The following ACSL6 variants were observed in gnomAD, a reference collection of about 807,000 sequenced individuals.
ACSL6 encodes long-chain-fatty-acid--CoA ligase 6.
Under a neutral mutation model 98.2 loss-of-function variants are expected in ACSL6, and 47 were observed. The ratio of observed to expected loss-of-function variants is 0.48; its 90% CI spans 0.38 to 0.61. The LOEUF (loss-of-function observed/expected upper bound fraction) is 0.61, where lower values mean the gene tolerates loss of function less well. Ranked by LOEUF, ACSL6 falls within the 20% of genes least tolerant of loss-of-function variation. The pLI, the probability that ACSL6 is intolerant of heterozygous loss-of-function variation, is 0.00. For synonymous variants in ACSL6, 362 were observed against 336.9 expected (o/e 1.07, Z -0.82); for missense variants, 761 against 913.4 (o/e 0.83, Z 2.15).
At chr5:131,955,517 C>T (rs938542043) in intron 20 of ACSL6, among the ~76,000 whole-genome samples, 2 of 152,128 alleles carry the variant, frequency 1.3e-5, no homozygotes, top group Admixed American at 1.3e-4. Context: ...ACTAGGTGAT[C>T]TGCAGAGGCC....
chr5:131,997,525 G>A (rs1479235077), intron 1 of ACSL6, among the ~76,000 whole-genome samples: 1 of 152,204 alleles, frequency 6.6e-6, no homozygotes, highest in Non-Finnish European at 1.5e-5. Context: ...GGGGCTGGGG[G>A]AAGTGCAGGG....
intron 18 of ACSL6, chr5:131,960,833 C>T (rs1752667021): frequency 2.2e-6 from 1 of 458,124 alleles, no homozygotes; most frequent in Non-Finnish European, 3.8e-6. Flanking sequence ...AAAATAAGGA[C>T]ATTAAGAATC....
chr5:131,962,768 C>A (rs1310738164), intron 17 of ACSL6, 90 bp from the exon 18 acceptor site: 2 of 1,459,548 alleles, frequency 1.4e-6, no homozygotes, highest in Admixed American at 1.8e-5. Flanking sequence ...TGCCCTACCC[C>A]ACCCTGCAGA....
intron 14 of ACSL6, 98 bp from the exon 15 acceptor site, chr5:131,970,298 G>T (rs1753235033): frequency 9.1e-7 from 1 of 1,094,376 alleles, no homozygotes. Context: ...GAGCGTGTCT[G>T]ACTGCTTCAT....
chr5:131,974,344 T>C (rs567525623), intron 11 of ACSL6, among the ~76,000 whole-genome samples: 1 of 152,362 alleles, frequency 6.6e-6, no homozygotes, highest in African/African-American at 2.4e-5. Flanking sequence ...TGAAGAGCCA[T>C]GCCAGTTTCA....
intron 2 of ACSL6, among the ~76,000 whole-genome samples, 191 bp from the exon 3 acceptor site, chr5:131,991,158 G>T (rs1329639903): frequency 3.3e-5 from 5 of 152,182 alleles, no homozygotes; most frequent in African/African-American, 9.7e-5. Context: ...CCTGCATGTA[G>T]CCACACTCCG....
At chr5:131,995,082 C>T (rs1175219816) in intron 1 of ACSL6, among the ~76,000 whole-genome samples, 1 of 152,172 alleles carries the variant, frequency 6.6e-6, no homozygotes, top group Non-Finnish European at 1.5e-5. Flanking sequence ...ACCAACATCT[C>T]CTGCCATGTC....
At chr5:131,973,471 A>G in intron 11 of ACSL6, 71 bp from the exon 12 acceptor site, 1 of 1,535,668 alleles carries the variant, frequency 6.5e-7, no homozygotes, top group Non-Finnish European at 8.8e-7. Context: ...AAAGCTGTCC[A>G]AAGTGCTGCC....
At chr5:131,966,680 C>T in intron 16 of ACSL6, 148 bp from the exon 17 acceptor site, 2 of 720,662 alleles carry the variant, frequency 2.8e-6, no homozygotes, top group South Asian at 1.6e-5. Context: ...GGACAAGGAA[C>T]AGCCAGCAGC....
chr5:131,991,819 G>GA (rs5871440), intron 2 of ACSL6, among the ~76,000 whole-genome samples: 93,173 of 151,832 alleles, frequency 0.61, 33,252 homozygotes, highest in Non-Finnish European at 0.8. Context: ...CAGGTCTAAG[G>GA]AAAAAAACAT....
chr5:132,011,431 A>T lies in ACSL6; in HGVS notation c.49+74T>A. 1 of 1,507,944 alleles carries T rather than the reference A, an allele frequency of 6.6e-7. No individual in the cohort carries two copies. 93.4% of individuals were successfully genotyped at this position (1,507,944 alleles called of 1,614,324 possible). A position where few individuals can be genotyped will look rare whatever the true frequency, so the allele number is the denominator to read the frequency against. ...GGCTCGGCGGCCGCGGAGATGTAACACCTCCACCTCGGGCGAAGACCTCAT... is the reference window on the plus strand; with the variant it reads ...GGCTCGGCGGCCGCGGAGATGTAACTCCTCCACCTCGGGCGAAGACCTCAT... On this transcript the variant is annotated intron_variant, in intron 1 of 20. Coordinates refer to ENST00000651883, the MANE Select transcript of ACSL6 (RefSeq NM_001009185.3). This position sits in a 1 kb window ranked among gnomAD's most constrained non-coding sequence, Gnocchi z 5.4.
intron 5 of ACSL6, 35 bp from the exon 6 acceptor site, chr5:131,988,939 G>A (rs375109594): frequency 6.3e-7 from 1 of 1,590,622 alleles, no homozygotes; most frequent in South Asian, 1.1e-5. Context: ...TGGGGAAGAA[G>A]GGGAGATTAG....
chr5:131,957,625 G>A (rs1752482027), intron 20 of ACSL6, among the ~76,000 whole-genome samples: 1 of 152,164 alleles, frequency 6.6e-6, no homozygotes, highest in African/African-American at 2.4e-5. Context: ...TTAAACTTTG[G>A]ATATAGAACT....
intron 1 of ACSL6, among the ~76,000 whole-genome samples, chr5:132,001,395 C>G (rs966218871): frequency 6.6e-6 from 1 of 152,214 alleles, no homozygotes; most frequent in African/African-American, 2.4e-5. Flanking sequence ...AAGCTTCTCT[C>G]TGCTGTGAGA....
At chr5:131,998,660 G>A (rs1236517632) in intron 1 of ACSL6, among the ~76,000 whole-genome samples, 1 of 152,038 alleles carries the variant, frequency 6.6e-6, no homozygotes, top group African/African-American at 2.4e-5. Flanking sequence ...CTGGATACCC[G>A]ACCACTCCTC....
upstream of ACSL6, chr5:132,011,883 C>A: frequency 1.3e-6 from 2 of 1,544,588 alleles, no homozygotes; most frequent in Non-Finnish European, 1.7e-6. The surrounding 1 kb of genome is among the most constrained non-coding windows in gnomAD (Gnocchi z 5.4). Context: ...GCGAACCAGC[C>A]CTCTCCGGCC....
Position 131,975,176 on chromosome 5 carries a change from G to A in ACSL6, c.991-206C>T, listed in dbSNP as rs1010332552. 6.4e-5 allele frequency: 86 copies of A among 1,336,692 alleles called. 1 individual carries two copies. The Middle Eastern group carries it at 1.1e-3, about 18-fold the overall frequency. The allele number at this position is 1,336,692 out of a possible 1,614,324, so 82.8% of individuals were successfully genotyped here. A position where few individuals can be genotyped will look rare whatever the true frequency, so the allele number is the denominator to read the frequency against. ...AGGGAGAGAGAGAGGGAGGGGGAAGGTGCAGAAAGAAGAGAGAGACAGGGC... is the reference window on the plus strand; with the variant it reads ...AGGGAGAGAGAGAGGGAGGGGGAAGATGCAGAAAGAAGAGAGAGACAGGGC... On this transcript the variant is annotated intron_variant, in intron 10 of 20. Coordinates refer to ENST00000651883, the MANE Select transcript of ACSL6 (RefSeq NM_001009185.3).
chr5:131,997,892 G>A (rs1395199737), intron 1 of ACSL6, among the ~76,000 whole-genome samples: 1 of 152,206 alleles, frequency 6.6e-6, no homozygotes, highest in Non-Finnish European at 1.5e-5. Context: ...TTACACTGAG[G>A]TTCCCTTCAG....
intron 9 of ACSL6, among the ~76,000 whole-genome samples, chr5:131,976,974 C>T (rs1383215858): frequency 2.0e-5 from 3 of 152,234 alleles, no homozygotes; most frequent in Admixed American, 2.0e-4. Flanking sequence ...GGAGGGGTGC[C>T]TCAAGGCCTG....
Sources: gnomAD v4.1 joint callset for allele counts (sites outside exome capture counted in the v4.1 genomes callset) on GRCh38, gnomAD v4.1.1 for gene constraint, Gnocchi (gnomAD v3.1) non-coding constraint, MANE v1.5 for transcripts, NCBI Gene and HGNC (gene_info 2026-07-23, HGNC 2026-07-21) for gene names.